WNK2: variants seen among roughly 807,000 people sequenced by gnomAD.
The protein encoded by WNK2 is serine/threonine-protein kinase WNK2.
Under a neutral mutation model 192.1 loss-of-function variants are expected in WNK2, and 67 were observed. The observed-to-expected ratio is 0.35, with a 90% confidence interval of 0.29 to 0.43. The LOEUF (loss-of-function observed/expected upper bound fraction) is 0.43, where lower values mean the gene tolerates loss of function less well. Ranked by LOEUF, WNK2 falls within the 20% of genes least tolerant of loss-of-function variation. WNK2 has a pLI of 1.00. For missense variants in WNK2, 2,698 were observed against 3,089.7 expected, an observed-to-expected ratio of 0.87 and a Z score of 3.01; for synonymous variants, 1,439 against 1,393.9, an observed-to-expected ratio of 1.03 and a Z score of -0.72.
At chr9:93,189,932 G>A (rs1487840968) in intron 2 of WNK2, among the ~76,000 whole-genome samples, 10 of 152,194 alleles carry the variant, frequency 6.6e-5, no homozygotes, top group African/African-American at 1.4e-4. Flanking sequence ...AGCCAGTGCC[G>A]GGCACAGAGG....
intron 27 of WNK2, chr9:93,307,882 C>T: frequency 5.8e-6 from 1 of 172,324 alleles, no homozygotes; most frequent in South Asian, 1.5e-4. Context: ...CGGTACTCCA[C>T]CGCCCCGCGT....
rs370103228 is a variant in WNK2, at chr9:93,259,446, T to C, written c.2898T>C (p.Pro966=). 2.0e-4 allele frequency: 203 copies of C among 1,028,202 alleles called. No individual in the cohort carries two copies. The African/African-American group carries it at 4.7e-3, about 24-fold the overall frequency. 63.7% of individuals were successfully genotyped at this position (1,028,202 alleles called of 1,614,324 possible). The part of the protein sequence containing the change: ...LPPQPTLPPQ[P]VLPPQPTRPP... Reference sequence around the variant, plus strand: ...CGCAACCCACGCTGCCCCCTCAACCTGTGTTGCCCCCGCAACCCACACGGC... The same window carrying C: ...CGCAACCCACGCTGCCCCCTCAACCCGTGTTGCCCCCGCAACCCACACGGC... Residue 966 remains proline, a synonymous_variant, in exon 12 of 30, where the codon CCT becomes CCC. Coordinates refer to ENST00000427277, the MANE Select transcript of WNK2 (RefSeq NM_006648.4). The surrounding 1 kb of genome is among the most constrained non-coding windows in gnomAD (Gnocchi z 4.8).
intron 5 of WNK2, among the ~76,000 whole-genome samples, chr9:93,237,929 T>G (rs1840098730): frequency 6.6e-6 from 1 of 151,858 alleles, no homozygotes; most frequent in African/African-American, 2.4e-5. Flanking sequence ...CTTCCTGAAC[T>G]CAGCTCTACC....
intron 26 of WNK2, among the ~76,000 whole-genome samples, chr9:93,304,859 G>T (rs1852222103): frequency 6.6e-6 from 1 of 152,198 alleles, no homozygotes; most frequent in Non-Finnish European, 1.5e-5. Flanking sequence ...AGTTTGTCTG[G>T]AGGTCTAGGA....
intron 19 of WNK2, among the ~76,000 whole-genome samples, chr9:93,282,034 A>T (rs1847823299): frequency 6.6e-6 from 1 of 152,230 alleles, no homozygotes; most frequent in African/African-American, 2.4e-5. Context: ...GCAGGTAGGA[A>T]CAAAAACTGA....
intron 4 of WNK2, 75 bp from the exon 5 acceptor site, chr9:93,234,733 C>T (rs1839514768): frequency 6.5e-7 from 1 of 1,528,474 alleles, no homozygotes; most frequent in South Asian, 1.3e-5. Flanking sequence ...GCAGCCAAAG[C>T]TCCCGGGACA....
At chr9:93,248,472 G>A (rs548167587) in intron 8 of WNK2, among the ~76,000 whole-genome samples, 22 of 152,374 alleles carry the variant, frequency 1.4e-4, no homozygotes, top group African/African-American at 4.8e-4. Context: ...GAGAATGACA[G>A]TTCTGGCCCC....
chr9:93,313,207 T>C (rs1853990439), intron 28 of WNK2, among the ~76,000 whole-genome samples: 1 of 152,222 alleles, frequency 6.6e-6, no homozygotes, highest in Admixed American at 6.5e-5. Flanking sequence ...TAGGCTTCCT[T>C]GGGCATGTTT....
At chr9:93,190,407 C>T (rs1304933594) in intron 2 of WNK2, among the ~76,000 whole-genome samples, 2 of 152,220 alleles carry the variant, frequency 1.3e-5, no homozygotes, top group East Asian at 1.9e-4. Flanking sequence ...GCCGTGTGGG[C>T]GCCTGGCTGA....
At chr9:93,211,286 TCA>T (rs1563997948) in intron 2 of WNK2, among the ~76,000 whole-genome samples, 1 of 151,394 alleles carries the variant, frequency 6.6e-6, no homozygotes, top group Non-Finnish European at 1.5e-5. Flanking sequence ...ATCCACTCAC[TCA>T]TACACTCAGT....
In WNK2 at chr9:93,201,299, C is replaced by T. The variant is rs573370263; in HGVS notation, c.681+15689C>T. The stretch of plus-strand genomic sequence containing the variant: ...TGAGACTGTTCCGAGCAAGGCTGCC[C>T]AGCATTCACACTGGGCTGGAGGAGC... On this transcript the variant is annotated intron_variant, in intron 2 of 29. Coordinates refer to ENST00000427277, the MANE Select transcript of WNK2 (RefSeq NM_006648.4). 1.4e-4 allele frequency among the ~76,000 whole-genome samples: 22 copies of T among 152,352 alleles called. No homozygotes were observed. The East Asian group carries it at 2.3e-3, about 16-fold the overall frequency.
At chr9:93,273,433 C>T (rs992390444) in intron 19 of WNK2, among the ~76,000 whole-genome samples, 10 of 152,228 alleles carry the variant, frequency 6.6e-5, no homozygotes, top group African/African-American at 1.9e-4. Context: ...GGATTACAGG[C>T]GTGAGCCACT....
Position 93,252,883 on chromosome 9 carries a change from C to T in WNK2, c.1835C>T (p.Ser612Leu), listed in dbSNP as rs201471342. Residue 612 changes from serine (S) to leucine (L), a missense_variant and splice_region_variant, in exon 9 of 30, where the codon TCG becomes TTG. By Grantham distance (145) the Ser-to-Leu change is moderately radical (BLOSUM62 -2). This residue lies in a region of WNK2 where 893 missense variants were observed against 909.0 expected (regional missense o/e 0.98). Coordinates refer to ENST00000427277, the MANE Select transcript of WNK2 (RefSeq NM_006648.4). ...TAAGTCCTGCTTTTGTCCTCCCCAG[C>T]GGACAGCACCTTCGACAGCGGCCAG... ...TLPTSATSLA[S>L]DSTFDSGQGS... is the part of the protein sequence containing the mutation. 6.4e-5 allele frequency: 94 copies of T among 1,467,790 alleles called. No homozygotes were observed. Among genetic ancestry groups the T allele is most frequent in the Non-Finnish European group, 7.9e-5 (87 of 1,102,144 alleles). 90.9% of individuals were successfully genotyped at this position (1,467,790 alleles called of 1,614,324 possible). A position where few individuals can be genotyped will look rare whatever the true frequency, so the allele number is the denominator to read the frequency against.
At chr9:93,256,190 C>A in intron 9 of WNK2, 109 bp from the exon 10 acceptor site, 7 of 1,296,226 alleles carry the variant, frequency 5.4e-6, no homozygotes, top group Non-Finnish European at 7.0e-6. Context: ...GAAGAGGGAC[C>A]CTGGTAGGGA....
Position 93,257,839 on chromosome 9 carries a change from G to A in WNK2, c.2382+700G>A, listed in dbSNP as rs10821100. Among the ~76,000 whole-genome samples the A allele has an allele frequency of 0.3, 45,427 of 152,174 alleles. 6,966 individuals are homozygous for A. Among genetic ancestry groups the A allele is most frequent in the South Asian group, 0.52 (2,516 of 4,820 alleles). The stretch of plus-strand genomic sequence containing the variant: ...TGTCTTTCACTCGAGGGACCTGACT[G>A]CATGTAACTGGTGCAGAATGTAGCC... On this transcript the variant is annotated intron_variant, in intron 11 of 29. Coordinates refer to ENST00000427277, the MANE Select transcript of WNK2 (RefSeq NM_006648.4). The surrounding 1 kb of genome is among the most constrained non-coding windows in gnomAD (Gnocchi z 4.7).
In WNK2 at chr9:93,247,833, C is replaced by A; in HGVS notation, c.1833C>A (p.Ala611=). 1 of 1,536,938 alleles carries A rather than the reference C, an allele frequency of 6.5e-7. No homozygotes were observed. Among genetic ancestry groups the A allele is most frequent in the Non-Finnish European group, 8.7e-7 (1 of 1,146,996 alleles). ...PTLPTSATSL[A]SDSTFDSGQG... is the part of the protein sequence containing the mutation. ...TGCCGACCAGCGCCACCTCCCTGGC[C>A]TGTGAGTGCTCAGGGGTGGGATGGC... The change falls in exon 8 of 30, where the codon GCC becomes GCA. Residue 611 remains alanine, a splice_region_variant and synonymous_variant. Transcript: ENST00000427277. This position sits in a 1 kb window ranked among gnomAD's most constrained non-coding sequence, Gnocchi z 5.2.
chr9:93,220,381 G>A (rs1170841356), intron 2 of WNK2, among the ~76,000 whole-genome samples: 5 of 152,310 alleles, frequency 3.3e-5, no homozygotes, highest in East Asian at 3.9e-4. Flanking sequence ...GGAAGGGGCC[G>A]AGGGTGAGGT....
intron 17 of WNK2, 49 bp downstream of exon 17, chr9:93,267,965 G>C: frequency 6.2e-7 from 1 of 1,606,934 alleles, no homozygotes; most frequent in South Asian, 1.1e-5. Flanking sequence ...GCAGTGGCTG[G>C]GCAGGTGGGC....
At chr9:93,201,363 C>T (rs1378382215) in intron 2 of WNK2, among the ~76,000 whole-genome samples, 3 of 152,262 alleles carry the variant, frequency 2.0e-5, no homozygotes, top group Non-Finnish European at 4.4e-5. Flanking sequence ...CTGCTGACCC[C>T]AGCCTTCACA....
Sources: gnomAD v4.1 joint callset for allele counts (sites outside exome capture counted in the v4.1 genomes callset) on GRCh38, gnomAD v4.1.1 for gene constraint, gnomAD v4.1.1 regional missense constraint, Gnocchi (gnomAD v3.1) non-coding constraint, MANE v1.5 for transcripts, NCBI Gene and HGNC (gene_info 2026-07-23, HGNC 2026-07-21) for gene names.